The following COPG2 variants were observed in gnomAD, a reference collection of about 807,000 sequenced individuals.
COPG2 encodes the protein coat protein complex I subunit gamma 2, also known as coatomer subunit gamma-2.
COPG2 carries 37 observed loss-of-function variants against 46.3 expected under a neutral mutation model. The ratio of observed to expected loss-of-function variants is 0.80; its 90% CI spans 0.61 to 1.05. COPG2 has a LOEUF of 1.05. Among genes scored for constraint, COPG2 ranks in the 50% least tolerant of loss-of-function variants. The pLI is 0.00. For missense variants in COPG2, 427 were observed against 387.8 expected (o/e 1.10, Z -0.85); for synonymous variants, 159 against 129.7 (o/e 1.23, Z -1.53).
chr7:130,584,498 C>T (rs1013324118), intron 9 of COPG2, among the ~76,000 whole-genome samples: 2 of 151,934 alleles, frequency 1.3e-5, no homozygotes, highest in East Asian at 1.9e-4. Context: ...GCATCCAAAT[C>T]GATAAAGAGG....
chr7:130,605,201 T>A lies in COPG2; in HGVS notation c.737+5752A>T, dbSNP rs79427378. ...TACTTTCTCCTGCTCTATCTTCAAA[T>A]TCACTAACTCTCTTTGACTCTCTCA... On this transcript the variant is annotated intron_variant, in intron 9 of 23. Coordinates refer to ENST00000425248, the MANE Select transcript of COPG2 (RefSeq NM_012133.6). The A allele has an allele frequency of 5.2e-3, 2,680 of 520,104 alleles. 63 individuals are homozygous for A. The highest frequency in any genetic ancestry group is 0.045 in the African/African-American group (2,321 of 52,072). 32.2% of individuals were successfully genotyped at this position (520,104 alleles called of 1,614,324 possible).
At chr7:130,523,895 C>G (rs987861978) in intron 20 of COPG2, among the ~76,000 whole-genome samples, 1 of 151,034 alleles carries the variant, frequency 6.6e-6, no homozygotes, top group Admixed American at 6.6e-5. Flanking sequence ...CCAGGAGGAG[C>G]GGAGGAGCCG....
Position 130,520,038 on chromosome 7 carries a change from T to C in COPG2, c.2150-11379A>G, listed in dbSNP as rs1008266186. 5.7e-3 allele frequency among the ~76,000 whole-genome samples: 864 copies of C among 152,234 alleles called. 4 individuals carry two copies. Among genetic ancestry groups the C allele is most frequent in the African/African-American group, 0.02 (816 of 41,550 alleles). The stretch of plus-strand genomic sequence containing the variant: ...GGTGGAAACCTTAAAAACATGAGGA[T>C]TGACAGGTATAGATCGGGATTCTTT... On this transcript the variant is annotated intron_variant, in intron 20 of 23. Transcript: ENST00000425248.
chr7:130,576,208 C>G lies in COPG2; in HGVS notation c.738-11815G>C, dbSNP rs187966287. 2.0e-3 allele frequency among the ~76,000 whole-genome samples: 308 copies of G among 152,260 alleles called. 2 individuals carry two copies. The highest frequency in any genetic ancestry group is 6.7e-3 in the African/African-American group (279 of 41,544). ...AAATAATGGATTTAAACTATACCTTCGAACAAATGGACTTAACAAATATAT... is the reference window on the plus strand; with the variant it reads ...AAATAATGGATTTAAACTATACCTTGGAACAAATGGACTTAACAAATATAT... On this transcript the variant is annotated intron_variant, in intron 9 of 23. Transcript: ENST00000425248.
chr7:130,590,668 C>T lies in COPG2; in HGVS notation c.737+20285G>A, dbSNP rs587768728. ...AAGTGCTGAGATTGCAGCCTCTGCC[C>T]GGCCACCACCCCGTCTGGGAAGTGA... On this transcript the variant is annotated intron_variant, in intron 9 of 23. Coordinates refer to ENST00000425248, the MANE Select transcript of COPG2 (RefSeq NM_012133.6). 6.4e-3 allele frequency among the ~76,000 whole-genome samples: 968 copies of T among 152,138 alleles called. 8 individuals carry two copies. Among genetic ancestry groups the T allele is most frequent in the African/African-American group, 0.022 (908 of 41,464 alleles).
At chr7:130,549,773 C>G (rs2116384598) in intron 17 of COPG2, among the ~76,000 whole-genome samples, 1 of 152,162 alleles carries the variant, frequency 6.6e-6, no homozygotes, top group African/African-American at 2.4e-5. Context: ...GTTCTAACCA[C>G]TAAACATTTA....
At chr7:130,619,441 G>C (rs765838653) in intron 5 of COPG2, among the ~76,000 whole-genome samples, 19 of 152,100 alleles carry the variant, frequency 1.2e-4, no homozygotes, top group Non-Finnish European at 2.8e-4. Context: ...TTAGATAAAA[G>C]AGTTAAGCTA....
At chr7:130,529,653 A>G (rs2116356953) in intron 20 of COPG2, among the ~76,000 whole-genome samples, 1 of 152,300 alleles carries the variant, frequency 6.6e-6, no homozygotes, top group African/African-American at 2.4e-5. Context: ...AAAGTGGGTT[A>G]AGGGCCAAAG....
chr7:130,507,318 T>C lies in COPG2; in HGVS notation c.2441A>G (p.Asp814Gly), dbSNP rs1371523754. ...GGAATTCTTGTTCTCAGGTACTTTA[T>C]CGGACCTCTCACATGGCTGCATGCC... ...FLGMQPCERS[D>G]KVPENKNSHS... The change falls in exon 23 of 24, where the codon GAT becomes GGT. Residue 814 changes from aspartate (D) to glycine (G), a missense_variant. Transcript: ENST00000425248. 3.8e-6 allele frequency: 3 copies of C among 780,668 alleles called. No individual in the cohort carries two copies. In the East Asian group the frequency reaches 7.3e-5, roughly 19 times the overall value. 48.4% of individuals were successfully genotyped at this position (780,668 alleles called of 1,614,324 possible).
chr7:130,649,394 A>G (rs1554458787), intron 5 of COPG2, among the ~76,000 whole-genome samples: 2 of 152,052 alleles, frequency 1.3e-5, no homozygotes, highest in Non-Finnish European at 2.9e-5. Flanking sequence ...TCTACTTTCA[A>G]TTTTACTATT....
intron 20 of COPG2, among the ~76,000 whole-genome samples, chr7:130,516,011 T>C (rs896780432): frequency 6.6e-6 from 1 of 152,178 alleles, no homozygotes; most frequent in Admixed American, 6.5e-5. Flanking sequence ...ACAGTGAGTG[T>C]TGAGTGTGAG....
At chr7:130,588,437 C>A (rs1382507565) in intron 9 of COPG2, among the ~76,000 whole-genome samples, 3 of 151,700 alleles carry the variant, frequency 2.0e-5, no homozygotes, top group African/African-American at 4.8e-5. Flanking sequence ...AAAATGTGGC[C>A]CATATACACC....
chr7:130,540,949 AAAG>A (rs1361833172), intron 20 of COPG2, among the ~76,000 whole-genome samples: 2 of 152,174 alleles, frequency 1.3e-5, no homozygotes, highest in African/African-American at 4.8e-5. Flanking sequence ...GACAATAGCA[AAAG>A]AAGAAACCAA....
intron 5 of COPG2, among the ~76,000 whole-genome samples, chr7:130,623,605 G>C (rs1795071950): frequency 6.6e-6 from 1 of 152,128 alleles, no homozygotes; most frequent in Non-Finnish European, 1.5e-5. Flanking sequence ...CCTAACTCCT[G>C]TTGGTATTTT....
intron 6 of COPG2, among the ~76,000 whole-genome samples, chr7:130,616,175 C>A (rs1794945660): frequency 6.6e-6 from 1 of 152,150 alleles, no homozygotes; most frequent in Non-Finnish European, 1.5e-5. Context: ...AAAATCCAAA[C>A]ACTTCTTTTT....
At chr7:130,522,615 G>C (rs1799733109) in intron 20 of COPG2, among the ~76,000 whole-genome samples, 1 of 151,990 alleles carries the variant, frequency 6.6e-6, no homozygotes, top group Non-Finnish European at 1.5e-5. Flanking sequence ...GGCATGGGAA[G>C]AATGGGGTGG....
chr7:130,506,947 C>G (rs1207560251), intron 23 of COPG2, 141 bp from the exon 24 acceptor site: 1 of 596,258 alleles, frequency 1.7e-6, no homozygotes, highest in Non-Finnish European at 3.0e-6. Context: ...GAATCCTAAA[C>G]AAACATAAAT....
intron 9 of COPG2, among the ~76,000 whole-genome samples, chr7:130,589,347 G>A (rs1794352665): frequency 6.6e-6 from 1 of 151,660 alleles, no homozygotes; most frequent in African/African-American, 2.4e-5. Context: ...GCAATTTACA[G>A]GTGTGATCAC....
At chr7:130,558,114 G>A (rs1274107085) in intron 12 of COPG2, among the ~76,000 whole-genome samples, 8 of 151,916 alleles carry the variant, frequency 5.3e-5, no homozygotes, top group South Asian at 2.1e-4. Flanking sequence ...CAGCTTTCCC[G>A]TCTACAGAAA....
Sources: gnomAD v4.1 joint callset for allele counts (sites outside exome capture counted in the v4.1 genomes callset) on GRCh38, gnomAD v4.1.1 for gene constraint, MANE v1.5 for transcripts, NCBI Gene and HGNC (gene_info 2026-07-23, HGNC 2026-07-21) for gene names.